The following PCNX4 variants were observed in gnomAD, a reference collection of about 807,000 sequenced individuals.
The protein encoded by PCNX4 is pecanex 4, also known as pecanex-like protein 4.
In PCNX4, 103 loss-of-function variants were observed where a neutral mutation model predicts 107.2. That is an observed-to-expected ratio of 0.96 (90% confidence interval 0.82 to 1.13). The LOEUF (loss-of-function observed/expected upper bound fraction) is 1.13. PCNX4 is among the 50% of genes most tolerant of loss of function. The pLI is 0.00. For synonymous variants in PCNX4, 541 were observed against 481.7 expected (o/e 1.12, Z -1.61); for missense variants, 1,528 against 1,379.4 (o/e 1.11, Z -1.71).
At position 60,115,786 on chromosome 14, in the gene PCNX4, T is replaced by G. The variant is rs1194392388; in HGVS notation, c.1425T>G (p.Ser475=). ...DSSLQGLHSV[S]VCIGFTRAFR... ...CCTTACAAGGGCTCCACTCAGTGTC[T>G]GTCTGTATTGGATTCACAAGAGCCT... Residue 475 remains serine, a synonymous_variant, in exon 5 of 11, where the codon TCT becomes TCG. Coordinates refer to ENST00000406854, the MANE Select transcript of PCNX4 (RefSeq NM_001330177.2). The G allele has an allele frequency of 1.2e-6, 2 of 1,613,160 alleles. No individual in the cohort carries two copies. The highest frequency in any genetic ancestry group is 3.3e-5 in the Admixed American group (2 of 59,988).
At position 60,121,893 on chromosome 14, in the gene PCNX4, C is replaced by T. The variant is rs558250363; in HGVS notation, c.2046+594C>T. Among the ~76,000 whole-genome samples, 9 of 152,264 alleles carry T rather than the reference C, an allele frequency of 5.9e-5. No homozygotes were observed. The South Asian group carries it at 1.7e-3, about 28-fold the overall frequency. ...TTCGAACCATCAGCAGCATTTTACA[C>T]AGCTATTCTCTTCTTTTCACTTGTT... On this transcript the variant is annotated intron_variant, in intron 8 of 10. Transcript: ENST00000406854.
Position 60,107,934 on chromosome 14 carries a change from C to T in PCNX4, c.296C>T (p.Thr99Ile), listed in dbSNP as rs1191331729. 6.2e-7 allele frequency: 1 copy of T among 1,612,812 alleles called. No homozygotes were observed. The highest frequency in any genetic ancestry group is 1.3e-5 in the African/African-American group (1 of 75,016). Residue 99 changes from threonine (T) to isoleucine (I), a missense_variant, in exon 2 of 11, where the codon ACA (threonine) becomes ATA (isoleucine). Thr to Ile is a moderately conservative substitution (Grantham distance 89). Transcript: ENST00000406854. ...FTSLYAKNKSTTVERILTTDI... is the reference protein window; with the variant it reads ...FTSLYAKNKSITVERILTTDI... ...AGTTTATACGCCAAAAACAAATCAA[C>T]AACAGTAGAAAGAATACTAACCACG...
At chr14:60,113,733 A>G (rs1464103668) in intron 2 of PCNX4, among the ~76,000 whole-genome samples, 2 of 152,152 alleles carry the variant, frequency 1.3e-5, no homozygotes, top group East Asian at 1.9e-4. Flanking sequence ...CAATTATGCT[A>G]TAAGTTTTGG....
At chr14:60,097,728 C>T (rs1895451908) in intron 1 of PCNX4, among the ~76,000 whole-genome samples, 1 of 152,178 alleles carries the variant, frequency 6.6e-6, no homozygotes, top group Non-Finnish European at 1.5e-5. Flanking sequence ...CATGGGTCAC[C>T]CCATTCCTGG....
rs754967200 is a variant in PCNX4, at chr14:60,108,055, T to TA, written c.418dup (p.Thr140AsnfsTer23). 2 of 1,612,884 alleles carry TA rather than the reference T, an allele frequency of 1.2e-6. No homozygotes were observed. The highest frequency in any genetic ancestry group is 1.7e-6 in the Non-Finnish European group (2 of 1,179,876). On this transcript the variant is annotated frameshift_variant, in exon 2 of 11. Transcript: ENST00000406854. LOFTEE classifies it high-confidence loss of function. Reference sequence around the variant, plus strand: ...TTCCTGGCAAGAAATATGTAGCCAATACAGTTTTTCATTCTATTCTTGCTG... The same window carrying TA: ...TTCCTGGCAAGAAATATGTAGCCAATAACAGTTTTTCATTCTATTCTTGCTG...
chr14:60,131,484 T>C (rs1202031617), intron 10 of PCNX4, among the ~76,000 whole-genome samples: 2 of 152,052 alleles, frequency 1.3e-5, no homozygotes, highest in East Asian at 1.9e-4. Flanking sequence ...AAGAATAAAA[T>C]ACTTAGGAAA....
At chr14:60,097,880 C>T (rs1161456437) in intron 1 of PCNX4, among the ~76,000 whole-genome samples, 2 of 152,194 alleles carry the variant, frequency 1.3e-5, no homozygotes, top group African/African-American at 4.8e-5. Context: ...TGCAGTCAAT[C>T]CAAGACCCAA....
intron 10 of PCNX4, among the ~76,000 whole-genome samples, chr14:60,133,263 G>A (rs184411070): frequency 6.6e-6 from 1 of 152,246 alleles, no homozygotes; most frequent in East Asian, 1.9e-4. Context: ...GCCATAAAAA[G>A]GAATACGGTA....
chr14:60,129,240 CA>C (rs58442688), intron 10 of PCNX4, among the ~76,000 whole-genome samples: 224 of 123,706 alleles, frequency 1.8e-3, no homozygotes, highest in Middle Eastern at 5.3e-3. Flanking sequence ...GACTCCATCT[CA>C]AAAAAAAAAA....
Position 60,114,062 on chromosome 14 carries a change from A to G in PCNX4, c.690-638A>G, listed in dbSNP as rs551484856. ...ACAAAATGGAAGTGTTGTAAATGCTAGTTAAGTTCTTAGGTTAAGCTGCAG... is the reference window on the plus strand; with the variant it reads ...ACAAAATGGAAGTGTTGTAAATGCTGGTTAAGTTCTTAGGTTAAGCTGCAG... On this transcript the variant is annotated intron_variant, in intron 2 of 10. Transcript: ENST00000406854. Among the ~76,000 whole-genome samples, 65 of 152,294 alleles carry G rather than the reference A, an allele frequency of 4.3e-4. No homozygotes were observed. In the South Asian group the frequency reaches 4.3e-3, roughly 10 times the overall value.
chr14:60,107,586 A>C lies in PCNX4; in HGVS notation c.-53A>C. 1 of 1,451,186 alleles carries C rather than the reference A, an allele frequency of 6.9e-7. No homozygotes were observed. The highest frequency in any genetic ancestry group is 2.3e-5 in the East Asian group (1 of 43,598). 89.9% of individuals were successfully genotyped at this position (1,451,186 alleles called of 1,614,324 possible). A position where few individuals can be genotyped will look rare whatever the true frequency, so the allele number is the denominator to read the frequency against. On this transcript the variant is annotated splice_region_variant and 5_prime_UTR_variant, in exon 2 of 11. Transcript: ENST00000406854. ...ACTTTTTTTAATTTTTATTTTTTAG[A>C]AACTGCTGTGTTACAGAAAAGCATG...
In PCNX4 at chr14:60,124,905, T is replaced by TTA. The variant is rs773004451; in HGVS notation, c.2735_2736dup (p.Pro913TyrfsTer15). 1 of 1,613,768 alleles carries TTA rather than the reference T, an allele frequency of 6.2e-7. No individual in the cohort carries two copies. Among genetic ancestry groups the TTA allele is most frequent in the South Asian group, 1.1e-5 (1 of 91,082 alleles). On this transcript the variant is annotated frameshift_variant, in exon 9 of 11. Coordinates refer to ENST00000406854, the MANE Select transcript of PCNX4 (RefSeq NM_001330177.2). LOFTEE classifies it high-confidence loss of function. ...TTGTTCACATTCTCACTTAGTATGCTTACCCGCAGAGTGGAGGACTAGCTG... is the reference window on the plus strand; with the variant it reads ...TTGTTCACATTCTCACTTAGTATGCTTATACCCGCAGAGTGGAGGACTAGCTG...
rs1023820678 is a variant in PCNX4, at chr14:60,137,398, G to A, written c.*3177G>A. 12 of 152,202 alleles carry A rather than the reference G, an allele frequency of 7.9e-5. No individual in the cohort carries two copies. Among genetic ancestry groups the A allele is most frequent in the African/African-American group, 2.9e-4 (12 of 41,444 alleles). 9.4% of individuals were successfully genotyped at this position (152,202 alleles called of 1,614,324 possible). On this transcript the variant is annotated 3_prime_UTR_variant, in exon 11 of 11. Transcript: ENST00000406854. ...CAAGGACCATATCCAAATTGTAAGG[G>A]TGAAGAAAAACCAGATGCAGTTAGG...
chr14:60,133,527 A>T (rs1896191609), intron 10 of PCNX4: 3 of 384,336 alleles, frequency 7.8e-6, no homozygotes, highest in South Asian at 6.0e-5. Flanking sequence ...GGTTGCACGT[A>T]TCTGTGACTA....
intron 1 of PCNX4, among the ~76,000 whole-genome samples, chr14:60,093,712 T>G (rs1260873088): frequency 6.6e-6 from 1 of 152,180 alleles, no homozygotes; most frequent in African/African-American, 2.4e-5. Flanking sequence ...TACCTGAGAG[T>G]AGAATTACTG....
In PCNX4 at chr14:60,091,926, T is replaced by A. The variant is rs909403601; in HGVS notation, c.-547T>A. ...TCACCAGGGCAACGACGCTCTTGCG[T>A]AAAGGCCCGGCCCAAGGGAACGTTC... On this transcript the variant is annotated 5_prime_UTR_variant, in exon 1 of 11. Coordinates refer to ENST00000406854, the MANE Select transcript of PCNX4 (RefSeq NM_001330177.2). The A allele has an allele frequency of 6.6e-6, 1 of 152,276 alleles. No homozygotes were observed. The highest frequency in any genetic ancestry group is 1.5e-5 in the Non-Finnish European group (1 of 68,094). 9.4% of individuals were successfully genotyped at this position (152,276 alleles called of 1,614,324 possible).
In PCNX4 at chr14:60,121,180, TTCTAA is replaced by T; in HGVS notation, c.1943-14_1943-10del. 6.5e-7 allele frequency: 1 copy of T among 1,544,392 alleles called. No individual in the cohort carries two copies. ...GATTTTCTTTTTTTTTTTTTTTTTT[TTCTAA>T]TTTGTTGTAGGTCTCCTCCTACCTG... On this transcript the variant is annotated splice_polypyrimidine_tract_variant and intron_variant, in intron 7 of 10. Coordinates refer to ENST00000406854, the MANE Select transcript of PCNX4 (RefSeq NM_001330177.2).
In PCNX4 at chr14:60,128,683, A is replaced by G. The variant is rs1167842251; in HGVS notation, c.3267+2860A>G. ...CACCAATAAAGGTAACTGTGTAATT[A>G]TAAAAAACAATAAAAAGGCATATTT... On this transcript the variant is annotated intron_variant, in intron 10 of 10. Transcript: ENST00000406854. 2.6e-5 allele frequency among the ~76,000 whole-genome samples: 4 copies of G among 152,252 alleles called. No individual in the cohort carries two copies. The East Asian group carries it at 7.7e-4, about 29-fold the overall frequency.
chr14:60,120,074 G>A (rs931727856), intron 7 of PCNX4, among the ~76,000 whole-genome samples: 1 of 152,156 alleles, frequency 6.6e-6, no homozygotes, highest in Admixed American at 6.5e-5. Flanking sequence ...GACTACCCCA[G>A]GTTTGATGGT....
Sources: allele counts gnomAD v4.1 joint callset (sites outside exome capture counted in the v4.1 genomes callset), GRCh38; gene constraint gnomAD v4.1.1; transcripts MANE v1.5; gene names NCBI Gene and HGNC (gene_info 2026-07-23, HGNC 2026-07-21).